The following PPM1E variants were observed in gnomAD, a reference collection of about 807,000 sequenced individuals.
PPM1E encodes protein phosphatase 1E.
Under a neutral mutation model 65.9 loss-of-function variants are expected in PPM1E, and 20 were observed. The observed-to-expected ratio is 0.30, with a 90% CI of 0.21 to 0.44. The LOEUF is 0.44. PPM1E is among the 20% of genes least tolerant of loss of function. PPM1E has a pLI of 1.00. For missense variants in PPM1E, 713 were observed against 953.1 expected (o/e 0.75, Z 3.32); for synonymous variants, 352 against 374.9 (o/e 0.94, Z 0.70).
At chr17:58,904,956 G>A (rs577492937) in intron 1 of PPM1E, among the ~76,000 whole-genome samples, 6 of 152,126 alleles carry the variant, frequency 3.9e-5, no homozygotes, top group East Asian at 1.9e-4. Flanking sequence ...CCCAGAAGGC[G>A]GAGGTTTTGG....
At chr17:58,910,849 GT>G (rs1317457354) in intron 1 of PPM1E, among the ~76,000 whole-genome samples, 1 of 152,172 alleles carries the variant, frequency 6.6e-6, no homozygotes, top group Non-Finnish European at 1.5e-5. Context: ...TGGTTAGCTA[GT>G]TTCTTCTGAA....
chr17:58,769,896 G>T (rs2049919257), intron 1 of PPM1E, among the ~76,000 whole-genome samples: 1 of 152,006 alleles, frequency 6.6e-6, no homozygotes, highest in Non-Finnish European at 1.5e-5. Context: ...GCATGGTGGT[G>T]CACACTTGTA....
At chr17:58,946,032 T>G (rs2052145962) in intron 1 of PPM1E, among the ~76,000 whole-genome samples, 1 of 152,092 alleles carries the variant, frequency 6.6e-6, no homozygotes, top group South Asian at 2.1e-4. Context: ...GGGAATAGGG[T>G]TGAATATTCC....
chr17:58,890,021 A>G (rs1191866787), intron 1 of PPM1E, among the ~76,000 whole-genome samples: 2 of 152,212 alleles, frequency 1.3e-5, no homozygotes, highest in Non-Finnish European at 2.9e-5. Flanking sequence ...TTGCTTCTCA[A>G]TTTACATTAG....
At chr17:58,888,660 G>A (rs1422193269) in intron 1 of PPM1E, among the ~76,000 whole-genome samples, 2 of 151,940 alleles carry the variant, frequency 1.3e-5, no homozygotes, top group African/African-American at 4.8e-5. Context: ...ACCCGGCCAG[G>A]ACTCTTCTCT....
chr17:58,813,099 A>G (rs1160890250), intron 1 of PPM1E, among the ~76,000 whole-genome samples: 1 of 152,148 alleles, frequency 6.6e-6, no homozygotes, highest in Non-Finnish European at 1.5e-5. Flanking sequence ...TATGATGTTC[A>G]TTATTGTTCT....
rs189810429 is a variant in PPM1E at position 58,900,924 on chromosome 17, A to G, written c.465-54725A>G. Among the ~76,000 whole-genome samples the G allele has an allele frequency of 2.6e-4, 40 of 152,336 alleles. No homozygotes were observed. The Middle Eastern group carries it at 0.014, about 52-fold the overall frequency. ...ATTATTCTAAGCACACAATATAAAT[A>G]TAAATATGTACCTTACAACTATCCT... On this transcript the variant is annotated intron_variant, in intron 1 of 6. Transcript: ENST00000308249.
chr17:58,944,453 A>G (rs2052117816), intron 1 of PPM1E, among the ~76,000 whole-genome samples: 1 of 152,034 alleles, frequency 6.6e-6, no homozygotes, highest in East Asian at 1.9e-4. Context: ...ATCACCCCAG[A>G]AAGAAACCCC....
At position 58,934,087 on chromosome 17, in the gene PPM1E, CAAAAAAAAA is replaced by C. The variant is rs11316368; in HGVS notation, c.465-21548_465-21540del. 5.1e-4 allele frequency among the ~76,000 whole-genome samples: 41 copies of C among 80,158 alleles called. 1 individual carries two copies. The highest frequency in any genetic ancestry group is 1.7e-3 in the African/African-American group (36 of 20,866). The allele number at this position is 80,158 out of a possible 152,430, so 52.6% of individuals were successfully genotyped here. On this transcript the variant is annotated intron_variant, in intron 1 of 6. Coordinates refer to ENST00000308249, the MANE Select transcript of PPM1E (RefSeq NM_014906.5). ...TGGGCAACAGAGCAAGACTTCGTAT[CAAAAAAAAA>C]AAAAAAAAAAAAAGAGAGATGGAAA...
At chr17:58,874,818 G>C (rs2051111003) in intron 1 of PPM1E, among the ~76,000 whole-genome samples, 1 of 152,112 alleles carries the variant, frequency 6.6e-6, no homozygotes, top group South Asian at 2.1e-4. Flanking sequence ...TGTTGGCTGT[G>C]ATGAATATTA....
At chr17:58,913,523 G>A (rs1419459137) in intron 1 of PPM1E, among the ~76,000 whole-genome samples, 4 of 152,276 alleles carry the variant, frequency 2.6e-5, no homozygotes, top group Admixed American at 1.3e-4. Flanking sequence ...TTGCAATAGC[G>A]AAGTAGTGTA....
intron 1 of PPM1E, among the ~76,000 whole-genome samples, chr17:58,929,048 G>A (rs888878400): frequency 1.3e-5 from 2 of 152,040 alleles, no homozygotes; most frequent in Non-Finnish European, 2.9e-5. Flanking sequence ...TGGCCCCAAA[G>A]TGGATACAGC....
intron 1 of PPM1E, among the ~76,000 whole-genome samples, chr17:58,886,769 T>A (rs1011153782): frequency 6.6e-6 from 1 of 152,160 alleles, no homozygotes; most frequent in Non-Finnish European, 1.5e-5. Context: ...AACATTACGC[T>A]AAGTGAAAGA....
intron 1 of PPM1E, among the ~76,000 whole-genome samples, chr17:58,804,857 A>C (rs1208025164): frequency 6.6e-6 from 1 of 152,030 alleles, no homozygotes; most frequent in Non-Finnish European, 1.5e-5. Context: ...ACCCATCTTG[A>C]GTATTTATCA....
At chr17:58,854,720 T>G (rs745365377) in intron 1 of PPM1E, among the ~76,000 whole-genome samples, 53 of 152,210 alleles carry the variant, frequency 3.5e-4, no homozygotes, top group Non-Finnish European at 6.5e-4. Context: ...TTTTCATGTG[T>G]TGAGGCATCC....
At chr17:58,802,873 GT>G (rs577917981) in intron 1 of PPM1E, among the ~76,000 whole-genome samples, 12 of 150,506 alleles carry the variant, frequency 8.0e-5, no homozygotes, top group South Asian at 4.2e-4. Flanking sequence ...ATTTTTGTGT[GT>G]TTTTTTTTAT....
At chr17:58,862,762 C>T (rs566903493) in intron 1 of PPM1E, among the ~76,000 whole-genome samples, 1 of 152,252 alleles carries the variant, frequency 6.6e-6, no homozygotes, top group Non-Finnish European at 1.5e-5. Context: ...TTTATTAGGG[C>T]CCCAATGAGT....
intron 1 of PPM1E, among the ~76,000 whole-genome samples, chr17:58,913,093 A>T (rs1354046075): frequency 4.6e-5 from 7 of 152,142 alleles, no homozygotes; most frequent in Non-Finnish European, 1.0e-4. Flanking sequence ...TCTGTAAGCT[A>T]CTCTAGCAAA....
intron 1 of PPM1E, among the ~76,000 whole-genome samples, chr17:58,866,515 A>T (rs966972252): frequency 2.6e-5 from 4 of 152,214 alleles, no homozygotes; most frequent in African/African-American, 7.2e-5. Context: ...GTTTCCATAG[A>T]CCCTAAGGGT....
Sources: gnomAD v4.1 joint callset for allele counts (sites outside exome capture counted in the v4.1 genomes callset) on GRCh38, gnomAD v4.1.1 for gene constraint, MANE v1.5 for transcripts, NCBI Gene and HGNC (gene_info 2026-07-23, HGNC 2026-07-21) for gene names.